DPP10: variants seen among roughly 807,000 people sequenced by gnomAD.
DPP10 encodes inactive dipeptidyl peptidase 10.
In DPP10, 33 loss-of-function variants were observed where a neutral mutation model predicts 120.9. The observed-to-expected ratio is 0.27, with a 90% confidence interval of 0.21 to 0.37. DPP10 has a LOEUF of 0.37. Ranked by LOEUF, DPP10 falls within the 10% of genes least tolerant of loss-of-function variation. The probability of loss-of-function intolerance (pLI) is 1.00; values close to 1 mark genes in which losing one functional copy is unlikely to be tolerated. For synonymous variants in DPP10, 337 were observed against 326.1 expected, an observed-to-expected ratio of 1.03 and a Z score of -0.36; for missense variants, 816 against 942.8, an observed-to-expected ratio of 0.87 and a Z score of 1.76.
intron 1 of DPP10, among the ~76,000 whole-genome samples, chr2:114,568,405 G>A (rs1689376393): frequency 6.6e-6 from 1 of 152,114 alleles, no homozygotes; most frequent in African/African-American, 2.4e-5. Context: ...AGTAAAATAA[G>A]CCAGGTCTAT....
chr2:115,720,112 G>C (rs562225228), intron 7 of DPP10, among the ~76,000 whole-genome samples: 2 of 152,274 alleles, frequency 1.3e-5, no homozygotes, highest in East Asian at 3.9e-4. Context: ...ACTGTCAAAA[G>C]GATTGACAAA....
At chr2:115,476,404 G>A (rs1055824668) in intron 3 of DPP10, among the ~76,000 whole-genome samples, 3 of 152,044 alleles carry the variant, frequency 2.0e-5, no homozygotes, top group African/African-American at 7.2e-5. Context: ...TATACTTCCT[G>A]TACAGCCTAT....
Position 115,843,959 on chromosome 2 carries a change from C to G in DPP10, c.*1614C>G, listed in dbSNP as rs1690401677. ...TCACCCTCCTGTTTTGTTGAAGGAT[C>G]AACCCCAAATTCTGGGTATTTGAGT... On this transcript the variant is annotated 3_prime_UTR_variant, in exon 26 of 26. Transcript: ENST00000410059. The G allele has an allele frequency of 6.6e-6, 1 of 152,526 alleles. No individual in the cohort carries two copies. Among genetic ancestry groups the G allele is most frequent in the Non-Finnish European group, 1.5e-5 (1 of 67,994 alleles). The allele number at this position is 152,526 out of a possible 1,614,324, so 9.4% of individuals were successfully genotyped here.
At chr2:114,965,371 A>G (rs1377789264) in intron 1 of DPP10, among the ~76,000 whole-genome samples, 1 of 152,024 alleles carries the variant, frequency 6.6e-6, no homozygotes, top group Non-Finnish European at 1.5e-5. Context: ...TCCTGACCTC[A>G]GGTGATCCAC....
At chr2:114,592,283 T>C (rs1691525990) in intron 1 of DPP10, among the ~76,000 whole-genome samples, 1 of 152,202 alleles carries the variant, frequency 6.6e-6, no homozygotes, top group Non-Finnish European at 1.5e-5. Flanking sequence ...TTTCACTGCC[T>C]ATACCCCAGA....
chr2:114,541,916 C>A (rs1686982341), intron 1 of DPP10, among the ~76,000 whole-genome samples: 2 of 151,594 alleles, frequency 1.3e-5, no homozygotes, highest in African/African-American at 4.8e-5. Context: ...TTAAAACATC[C>A]CTTTATTATT....
intron 3 of DPP10, among the ~76,000 whole-genome samples, chr2:115,422,883 A>G (rs6720855): frequency 0.058 from 8,752 of 152,146 alleles, 358 homozygotes; most frequent in Middle Eastern, 0.099. Flanking sequence ...AAGGGATTTC[A>G]TTTTATCCCT....
chr2:115,724,929 C>G (rs2092729867), intron 7 of DPP10, among the ~76,000 whole-genome samples: 1 of 152,052 alleles, frequency 6.6e-6, no homozygotes. Context: ...ACAGCCAGAT[C>G]TCACACGAAC....
At chr2:114,819,343 C>T (rs1435817753) in intron 1 of DPP10, among the ~76,000 whole-genome samples, 1 of 152,006 alleles carries the variant, frequency 6.6e-6, no homozygotes, top group African/African-American at 2.4e-5. Flanking sequence ...CCAAACAAGC[C>T]ACTTACCCTC....
intron 3 of DPP10, among the ~76,000 whole-genome samples, chr2:115,401,566 T>C (rs1429229444): frequency 6.6e-6 from 1 of 152,046 alleles, no homozygotes; most frequent in African/African-American, 2.4e-5. Context: ...CCGGGCGACA[T>C]TGTGACACCC....
chr2:115,286,477 T>C (rs897360488), intron 1 of DPP10, among the ~76,000 whole-genome samples: 2 of 91,670 alleles, frequency 2.2e-5, no homozygotes, highest in Non-Finnish European at 4.5e-5. Context: ...AATATATATA[T>C]GTAATATATA....
At chr2:115,641,487 A>G (rs2086774752) in intron 5 of DPP10, among the ~76,000 whole-genome samples, 1 of 152,092 alleles carries the variant, frequency 6.6e-6, no homozygotes, top group Admixed American at 6.6e-5. Flanking sequence ...CTCTTCAGAG[A>G]GACCTCTTTA....
intron 8 of DPP10, among the ~76,000 whole-genome samples, chr2:115,734,907 A>G (rs1157804783): frequency 6.6e-6 from 1 of 151,516 alleles, no homozygotes; most frequent in Non-Finnish European, 1.5e-5. Flanking sequence ...CTTATCATGA[A>G]CAAGGTAAAT....
chr2:114,670,862 T>C (rs1465941660), intron 1 of DPP10, among the ~76,000 whole-genome samples: 1 of 152,164 alleles, frequency 6.6e-6, no homozygotes, highest in Non-Finnish European at 1.5e-5. Flanking sequence ...ATTGTTGTGC[T>C]GTAGGAAAAC....
At chr2:114,918,154 C>T (rs1387754476) in intron 1 of DPP10, among the ~76,000 whole-genome samples, 2 of 152,176 alleles carry the variant, frequency 1.3e-5, no homozygotes, top group African/African-American at 4.8e-5. Context: ...TGAATAGACA[C>T]TTCCCAAAAG....
intron 1 of DPP10, among the ~76,000 whole-genome samples, chr2:114,760,539 A>AAT (rs757017581): frequency 0.033 from 4,973 of 149,098 alleles, 127 homozygotes; most frequent in Middle Eastern, 0.064. Context: ...CTATATATTA[A>AAT]ATATATATAT....
At chr2:115,814,422 A>G (rs77380681) in intron 19 of DPP10, among the ~76,000 whole-genome samples, 2,539 of 152,250 alleles carry the variant, frequency 0.017, 80 homozygotes, top group African/African-American at 0.057. Context: ...CTAAAACACT[A>G]TGGAAGAAAT....
intron 1 of DPP10, among the ~76,000 whole-genome samples, chr2:114,474,807 T>G (rs956890): frequency 0.11 from 16,462 of 152,070 alleles, 1,988 homozygotes; most frequent in African/African-American, 0.3. Context: ...ATGTTCAAAA[T>G]GGGGAGCTGT....
At chr2:115,083,506 CCCT>C (rs1708445495) in intron 1 of DPP10, among the ~76,000 whole-genome samples, 1 of 151,924 alleles carries the variant, frequency 6.6e-6, no homozygotes, top group African/African-American at 2.4e-5. Flanking sequence ...ACACATGCCT[CCCT>C]CCTCATTATA....
Sources: gnomAD v4.1 joint callset for allele counts (sites outside exome capture counted in the v4.1 genomes callset) on GRCh38, gnomAD v4.1.1 for gene constraint, MANE v1.5 for transcripts, NCBI Gene and HGNC (gene_info 2026-07-23, HGNC 2026-07-21) for gene names.